The following SP2 variants were observed in gnomAD, a reference collection of about 807,000 sequenced individuals.
SP2 encodes the protein Sp2 transcription factor.
In SP2, 9 loss-of-function variants were observed where a neutral mutation model predicts 50.1. The ratio of observed to expected loss-of-function variants is 0.18; its 90% CI spans 0.11 to 0.31. The LOEUF is 0.31. Among genes scored for constraint, SP2 ranks in the 10% least tolerant of loss-of-function variants. SP2 has a pLI of 1.00. For synonymous variants in SP2, 313 were observed against 326.6 expected (o/e 0.96, Z 0.45); for missense variants, 581 against 806.5 (o/e 0.72, Z 3.39).
At chr17:47,929,512 C>T (rs150581660), downstream of SP2, among the ~76,000 whole-genome samples, 48 of 152,316 alleles carry the variant, frequency 3.2e-4, no homozygotes, top group Middle Eastern at 3.4e-3. Flanking sequence ...CAGCTGCACC[C>T]GATAGAGGAC....
Position 47,925,338 on chromosome 17 carries a change from C to T in SP2, c.1548-10C>T, listed in dbSNP as rs374737001. 3.1e-6 allele frequency: 5 copies of T among 1,609,142 alleles called. No homozygotes were observed. The highest frequency in any genetic ancestry group is 4.2e-6 in the Non-Finnish European group (5 of 1,176,828). ...TATTCCCTCCACTCCACCCTCACCC[C>T]AATTCTCAGGTCTGGAGAGCAGGGC... is the stretch of plus-strand genomic sequence containing the variant. On this transcript the variant is annotated splice_polypyrimidine_tract_variant and intron_variant, in intron 5 of 6. Transcript: ENST00000376741.
In SP2 at chr17:47,897,738, CAAAG is replaced by C. The variant is rs1215186806; in HGVS notation, c.7+1449_7+1452del. The C allele has an allele frequency of 7.0e-6, 3 of 429,818 alleles. No homozygotes were observed. In the East Asian group the frequency reaches 4.7e-4, roughly 68 times the overall value. The allele number at this position is 429,818 out of a possible 1,614,324, so 26.6% of individuals were successfully genotyped here. A position where few individuals can be genotyped will look rare whatever the true frequency, so the allele number is the denominator to read the frequency against. Reference sequence around the variant, plus strand: ...ACAGCAGTAATTTCAATTACTAACACAAAGAAACCCATTGTCTGCAATAATGAAT... The same window carrying C: ...ACAGCAGTAATTTCAATTACTAACACAAACCCATTGTCTGCAATAATGAAT... On this transcript the variant is annotated intron_variant, in intron 1 of 6. Transcript: ENST00000376741.
chr17:47,930,893 G>A (rs1242362026), downstream of SP2, among the ~76,000 whole-genome samples: 1 of 151,976 alleles, frequency 6.6e-6, no homozygotes, highest in African/African-American at 2.4e-5. Context: ...TTATCCCACA[G>A]CCTAGGATTC....
intron 3 of SP2, 118 bp downstream of exon 3, chr17:47,917,248 T>G: frequency 9.0e-7 from 1 of 1,106,046 alleles, no homozygotes. Flanking sequence ...CAGTATCTTT[T>G]GGGGTGGGCA....
intron 3 of SP2, chr17:47,917,866 A>G (rs776150559): frequency 2.0e-5 from 7 of 356,880 alleles, no homozygotes; most frequent in South Asian, 1.4e-4. Context: ...ATACTCTGGA[A>G]TCTCTTTGGC....
In SP2 at chr17:47,916,551, T is replaced by C. The variant is rs2035209570; in HGVS notation, c.480T>C (p.Pro160=). The C allele has an allele frequency of 3.7e-6, 6 of 1,614,110 alleles. No homozygotes were observed. The highest frequency in any genetic ancestry group is 5.1e-6 in the Non-Finnish European group (6 of 1,180,014). Residue 160 remains proline, a synonymous_variant, in exon 3 of 7, where the codon CCT becomes CCC. Transcript: ENST00000376741. The surrounding 1 kb of genome is among the most constrained non-coding windows in gnomAD (Gnocchi z 4.7). ...PNLTNQIQII[P]GTNQAIITPS... is the part of the protein sequence containing the mutation. ...TCACCAACCAGATCCAGATCATCCCTGGCACCAACCAAGCCATCATCACCC... is the reference window on the plus strand; with the variant it reads ...TCACCAACCAGATCCAGATCATCCCCGGCACCAACCAAGCCATCATCACCC...
At chr17:47,896,990 G>A (rs1031336933) in intron 1 of SP2, among the ~76,000 whole-genome samples, 12 of 152,228 alleles carry the variant, frequency 7.9e-5, no homozygotes, top group African/African-American at 2.7e-4. Context: ...ATATCTGCAA[G>A]CTCTTAGCAG....
chr17:47,908,005 C>T (rs1242547259), intron 1 of SP2, among the ~76,000 whole-genome samples: 1 of 152,094 alleles, frequency 6.6e-6, no homozygotes, highest in Admixed American at 6.6e-5. Flanking sequence ...TTTGGTTGCC[C>T]AGGTCTGCAG....
intron 4 of SP2, among the ~76,000 whole-genome samples, chr17:47,923,644 G>A (rs980514303): frequency 6.6e-6 from 1 of 152,236 alleles, no homozygotes; most frequent in Non-Finnish European, 1.5e-5. Context: ...TGAGATTTAT[G>A]CTGTGAAACC....
chr17:47,896,269 A>C lies in SP2; in HGVS notation c.-18A>C. On this transcript the variant is annotated 5_prime_UTR_variant, in exon 1 of 7. Coordinates refer to ENST00000376741, the MANE Select transcript of SP2 (RefSeq NM_003110.6). ...GGTGGCGGCGGAGGCGGCGGAGGCCAGGGAGGAAGATGTCGTAATGAGCGG... is the reference window on the plus strand; with the variant it reads ...GGTGGCGGCGGAGGCGGCGGAGGCCCGGGAGGAAGATGTCGTAATGAGCGG... 2 of 1,239,820 alleles carry C rather than the reference A, an allele frequency of 1.6e-6. No homozygotes were observed. Among genetic ancestry groups the C allele is most frequent in the Admixed American group, 8.4e-5 (2 of 23,734 alleles). The allele number at this position is 1,239,820 out of a possible 1,614,324, so 76.8% of individuals were successfully genotyped here. A position where few individuals can be genotyped will look rare whatever the true frequency, so the allele number is the denominator to read the frequency against.
At chr17:47,914,651 G>C (rs1288720101) in intron 1 of SP2, 4 of 152,520 alleles carry the variant, frequency 2.6e-5, no homozygotes, top group African/African-American at 9.6e-5. Context: ...AGCCAGCAGT[G>C]CCCAGCAGAG....
intron 1 of SP2, among the ~76,000 whole-genome samples, chr17:47,909,200 C>G (rs2034883431): frequency 6.6e-6 from 1 of 152,154 alleles, no homozygotes; most frequent in Non-Finnish European, 1.5e-5. Context: ...AGATGTGGCC[C>G]AAGTGTGTAA....
At chr17:47,931,295 C>T (rs142985168), downstream of SP2, among the ~76,000 whole-genome samples, 739 of 152,122 alleles carry the variant, frequency 4.9e-3, 10 homozygotes, top group African/African-American at 0.017. Flanking sequence ...TGCAGTGAGC[C>T]GAGATCGTGC....
chr17:47,903,079 C>G (rs1179921198), intron 1 of SP2, among the ~76,000 whole-genome samples: 2 of 152,122 alleles, frequency 1.3e-5, no homozygotes, highest in African/African-American at 4.8e-5. Context: ...TTTACGATGC[C>G]TATTAATACA....
intron 1 of SP2, among the ~76,000 whole-genome samples, chr17:47,904,802 C>T (rs1161617513): frequency 1.3e-5 from 2 of 152,182 alleles, no homozygotes; most frequent in Non-Finnish European, 2.9e-5. Context: ...CAGGGTCTCA[C>T]TCTGTCATTC....
chr17:47,913,957 A>G (rs900683328), intron 1 of SP2, among the ~76,000 whole-genome samples: 10 of 152,264 alleles, frequency 6.6e-5, no homozygotes, highest in Admixed American at 5.9e-4. Flanking sequence ...CAAAAATAGA[A>G]TTTACTCTGT....
chr17:47,909,284 T>G (rs1241455510), intron 1 of SP2, among the ~76,000 whole-genome samples: 1 of 152,232 alleles, frequency 6.6e-6, no homozygotes, highest in Non-Finnish European at 1.5e-5. Context: ...CAGTAGCCTT[T>G]TTGGCAGCCA....
chr17:47,916,958 C>A lies in SP2; in HGVS notation c.887C>A (p.Ala296Asp), dbSNP rs767236812. The part of the protein sequence containing the change: ...IVQSPGGGQP[A>D]VVQQVQVVPP... ...CAGAGCCCTGGTGGGGGCCAGCCAG[C>A]TGTGGTCCAGCAGGTCCAGGTGGTG... The change falls in exon 3 of 7, where the codon GCT becomes GAT. Residue 296 changes from alanine (A) to aspartate (D), a missense_variant. Coordinates refer to ENST00000376741, the MANE Select transcript of SP2 (RefSeq NM_003110.6). This position sits in a 1 kb window ranked among gnomAD's most constrained non-coding sequence, Gnocchi z 4.7. 1 of 1,614,176 alleles carries A rather than the reference C, an allele frequency of 6.2e-7. No individual in the cohort carries two copies. Among genetic ancestry groups the A allele is most frequent in the East Asian group, 2.2e-5 (1 of 44,880 alleles).
intron 1 of SP2, among the ~76,000 whole-genome samples, chr17:47,910,481 A>G (rs1376943696): frequency 6.6e-6 from 1 of 152,198 alleles, no homozygotes. Context: ...GTTGGCTTAG[A>G]TTATTTTCAT....
Sources: allele counts gnomAD v4.1 joint callset (sites outside exome capture counted in the v4.1 genomes callset), GRCh38; gene constraint gnomAD v4.1.1; non-coding constraint Gnocchi (gnomAD v3.1); transcripts MANE v1.5; gene names NCBI Gene and HGNC (gene_info 2026-07-23, HGNC 2026-07-21).